ADGRL2: variants seen among roughly 807,000 people sequenced by gnomAD.
ADGRL2 encodes adhesion G protein-coupled receptor L2.
Under a neutral mutation model 157.4 loss-of-function variants are expected in ADGRL2, and 44 were observed. The ratio of observed to expected loss-of-function variants is 0.28; its 90% CI spans 0.22 to 0.36. ADGRL2 has a LOEUF of 0.36. Among genes scored for constraint, ADGRL2 ranks in the 10% least tolerant of loss-of-function variants. The pLI is 1.00. For missense variants in ADGRL2, 1,510 were observed against 1,768.9 expected, an observed-to-expected ratio of 0.85 and a Z score of 2.63; for synonymous variants, 585 against 624.7, an observed-to-expected ratio of 0.94 and a Z score of 0.95.
At chr1:81,382,756 C>T (rs2076365067) in intron 1 of ADGRL2, among the ~76,000 whole-genome samples, 2 of 152,144 alleles carry the variant, frequency 1.3e-5, no homozygotes, top group Non-Finnish European at 2.9e-5. Flanking sequence ...GTCTTATCTT[C>T]AGATCTCAGA....
At chr1:81,889,249 G>A (rs576216487) in intron 2 of ADGRL2, among the ~76,000 whole-genome samples, 6 of 152,326 alleles carry the variant, frequency 3.9e-5, no homozygotes, top group South Asian at 2.1e-4. Flanking sequence ...ACGAAATCTC[G>A]GCCTCTTGTG....
chr1:81,444,359 A>G (rs2077562558), intron 1 of ADGRL2, among the ~76,000 whole-genome samples: 1 of 152,230 alleles, frequency 6.6e-6, no homozygotes, highest in African/African-American at 2.4e-5. Context: ...TAATCACCTA[A>G]CAGGAGAGTA....
At chr1:81,888,339 C>T (rs931307433) in intron 2 of ADGRL2, among the ~76,000 whole-genome samples, 3 of 152,028 alleles carry the variant, frequency 2.0e-5, no homozygotes, top group Admixed American at 2.0e-4. Context: ...TGCAAAATGC[C>T]CAAGTAAATG....
chr1:81,397,403 TCCG>T (rs1362437267), intron 1 of ADGRL2, among the ~76,000 whole-genome samples: 2 of 131,162 alleles, frequency 1.5e-5, no homozygotes, highest in African/African-American at 2.8e-5. Context: ...TCACTGCAAC[TCCG>T]CCTCCCGGGT....
At chr1:81,462,199 A>G (rs1222437933) in intron 2 of ADGRL2, among the ~76,000 whole-genome samples, 1 of 152,176 alleles carries the variant, frequency 6.6e-6, no homozygotes, top group Non-Finnish European at 1.5e-5. Context: ...CACTCTGTAA[A>G]ATGGACCAAT....
At chr1:81,677,759 A>G (rs1214934317) in intron 3 of ADGRL2, among the ~76,000 whole-genome samples, 1 of 152,100 alleles carries the variant, frequency 6.6e-6, no homozygotes, top group South Asian at 2.1e-4. Context: ...CCCATTCTTT[A>G]TGTTGAATTA....
intron 2 of ADGRL2, among the ~76,000 whole-genome samples, chr1:81,884,994 T>C (rs2094091399): frequency 6.6e-6 from 1 of 152,204 alleles, no homozygotes; most frequent in African/African-American, 2.4e-5. Flanking sequence ...CAAGTGTCTT[T>C]AATGGATTAG....
intron 2 of ADGRL2, among the ~76,000 whole-genome samples, chr1:81,533,319 C>T (rs996939468): frequency 1.4e-4 from 21 of 152,110 alleles, no homozygotes; most frequent in African/African-American, 2.2e-4. Flanking sequence ...GCGGAGGTTG[C>T]GGTGAGCCAA....
intron 2 of ADGRL2, among the ~76,000 whole-genome samples, chr1:81,571,192 G>T (rs2080680972): frequency 6.6e-6 from 1 of 151,696 alleles, no homozygotes; most frequent in African/African-American, 2.4e-5. Context: ...GGGCATGATG[G>T]CAGGCACCTA....
rs755115574 is a variant in ADGRL2, at chr1:81,691,878, G to GTATATATATATATATA, written c.-142-69932_-142-69931insATATATATATATATAT. ...TATATATATATATGGGTGTGTGTGTGTGTATATATATATATATGTATGTGT... is the reference window on the plus strand; with the variant it reads ...TATATATATATATGGGTGTGTGTGTGTATATATATATATATATGTATATATATATATATGTATGTGT... On this transcript the variant is annotated intron_variant, in intron 3 of 24. Transcript: ENST00000370721. 8.7e-3 allele frequency among the ~76,000 whole-genome samples: 1,070 copies of GTATATATATATATATA among 122,322 alleles called. 24 individuals are homozygous for GTATATATATATATATA. Among genetic ancestry groups the GTATATATATATATATA allele is most frequent in the East Asian group, 0.029 (122 of 4,238 alleles). 80.2% of individuals were successfully genotyped at this position (122,322 alleles called of 152,430 possible). A position where few individuals can be genotyped will look rare whatever the true frequency, so the allele number is the denominator to read the frequency against.
intron 1 of ADGRL2, among the ~76,000 whole-genome samples, chr1:81,326,048 G>C (rs139033901): frequency 6.6e-6 from 1 of 152,244 alleles, no homozygotes; most frequent in Non-Finnish European, 1.5e-5. Context: ...CTTTAGTGTG[G>C]ACTATATAAA....
At chr1:81,442,555 C>T (rs529930062) in intron 1 of ADGRL2, among the ~76,000 whole-genome samples, 44 of 152,210 alleles carry the variant, frequency 2.9e-4, no homozygotes, top group African/African-American at 9.6e-4. Context: ...TAACCAAGAG[C>T]GGTGTGAAGA....
At chr1:81,746,832 ATATACATGTATATACACACGTGCACACG>A (rs773844071) in intron 1 of ADGRL2, among the ~76,000 whole-genome samples, 8,562 of 149,022 alleles carry the variant, frequency 0.057, 579 homozygotes, top group African/African-American at 0.13. Flanking sequence ...CAAATTATAT[ATATACATGTATATACACACGTGCACACG>A]TATACACGTA....
At chr1:81,696,344 A>T (rs1482547063), upstream of ADGRL2, among the ~76,000 whole-genome samples, 1 of 152,218 alleles carries the variant, frequency 6.6e-6, no homozygotes, top group Non-Finnish European at 1.5e-5. Flanking sequence ...GGTGAAGCAG[A>T]TAGCTACATA....
At chr1:81,850,190 A>G (rs759562175) in intron 2 of ADGRL2, among the ~76,000 whole-genome samples, 32 of 152,100 alleles carry the variant, frequency 2.1e-4, no homozygotes, top group Non-Finnish European at 3.1e-4. Context: ...TTGAGGCTTA[A>G]CCATAGCATT....
intron 2 of ADGRL2, among the ~76,000 whole-genome samples, chr1:81,903,815 ACAC>A (rs1272286131): frequency 7.9e-5 from 7 of 88,444 alleles, no homozygotes; most frequent in African/African-American, 2.7e-4. Context: ...TTTTATATAC[ACAC>A]ACACACACAC....
intron 2 of ADGRL2, among the ~76,000 whole-genome samples, chr1:81,872,699 A>AT (rs2093730677): frequency 6.6e-6 from 1 of 152,010 alleles, no homozygotes; most frequent in Non-Finnish European, 1.5e-5. Flanking sequence ...ATTTTAGATC[A>AT]TTTTTTCTAA....
chr1:81,656,026 G>A (rs2082526948), intron 3 of ADGRL2, among the ~76,000 whole-genome samples: 1 of 152,168 alleles, frequency 6.6e-6, no homozygotes, highest in Non-Finnish European at 1.5e-5. Context: ...CCTTCAAACA[G>A]AGTATACCCT....
intron 3 of ADGRL2, among the ~76,000 whole-genome samples, chr1:81,912,614 G>C (rs17429360): frequency 0.25 from 38,734 of 151,978 alleles, 5,317 homozygotes; most frequent in Middle Eastern, 0.36. Context: ...TGTAATTTGA[G>C]TACGCAAAAC....
Sources: gnomAD v4.1 joint callset for allele counts (sites outside exome capture counted in the v4.1 genomes callset) on GRCh38, gnomAD v4.1.1 for gene constraint, MANE v1.5 for transcripts, NCBI Gene and HGNC (gene_info 2026-07-23, HGNC 2026-07-21) for gene names.